The following SLAIN1 variants were observed in gnomAD, a reference collection of about 807,000 sequenced individuals.
SLAIN1 encodes the protein SLAIN motif-containing protein 1.
SLAIN1 carries 17 observed loss-of-function variants against 55.4 expected under a neutral mutation model. The observed-to-expected ratio is 0.31, with a 90% CI of 0.21 to 0.46. The LOEUF is 0.46. Ranked by LOEUF, SLAIN1 falls within the 20% of genes least tolerant of loss-of-function variation. The probability of loss-of-function intolerance (pLI) is 1.00; values close to 1 mark genes in which losing one functional copy is unlikely to be tolerated. For missense variants in SLAIN1, 682 were observed against 785.1 expected (o/e 0.87, Z 1.57); for synonymous variants, 348 against 337.4 (o/e 1.03, Z -0.35).
rs185636426 is a variant in SLAIN1 at position 77,762,991 on chromosome 13, C to T, written c.1698-154C>T. Among the ~76,000 whole-genome samples the T allele has an allele frequency of 2.5e-4, 38 of 152,268 alleles. No individual in the cohort carries two copies. The East Asian group carries it at 6.4e-3, about 26-fold the overall frequency. ...GGGAGATAAGCATGCAGTGAAGACC[C>T]GTAAGTGTGAACCACAAGGTACACT... On this transcript the variant is annotated intron_variant, in intron 6 of 6. Transcript: ENST00000418532.
At chr13:77,742,809 A>G (rs1040470334) in intron 2 of SLAIN1, 1 of 162,738 alleles carries the variant, frequency 6.1e-6, no homozygotes, top group African/African-American at 2.4e-5. Context: ...TTACTTTTTA[A>G]AAATGGATGT....
At chr13:77,743,345 T>C in intron 2 of SLAIN1, 1 of 291,956 alleles carries the variant, frequency 3.4e-6, no homozygotes, top group Non-Finnish European at 6.3e-6. Context: ...ACCATTGATC[T>C]ACTGCTCTCA....
intron 2 of SLAIN1, among the ~76,000 whole-genome samples, chr13:77,723,589 C>G (rs938490507): frequency 1.3e-5 from 2 of 152,104 alleles, no homozygotes; most frequent in African/African-American, 2.4e-5. Flanking sequence ...AGGCATTATT[C>G]CATTATATTT....
At chr13:77,708,750 A>G (rs1457060281) in intron 1 of SLAIN1, among the ~76,000 whole-genome samples, 1 of 152,162 alleles carries the variant, frequency 6.6e-6, no homozygotes, top group Non-Finnish European at 1.5e-5. Flanking sequence ...CAGAAACCCC[A>G]TCCAAAGGTC....
In SLAIN1 at chr13:77,760,866, G is replaced by T; in HGVS notation, c.1453G>T (p.Val485Leu). The change falls in exon 6 of 7, where the codon GTG becomes TTG. Residue 485 changes from valine to leucine, a missense_variant. Physicochemically the swap from Val to Leu is conservative, Grantham distance 32 (BLOSUM62 1). Around this residue, in one of 3 missense-constraint regions of SLAIN1, gnomAD observed 244 missense variants for 295.2 expected, o/e 0.83. Transcript: ENST00000418532. ...PGQLQHRVHS[V>L]GHFPVSIRQP... Reference sequence around the variant, plus strand: ...ACAGCTTCAACACAGGGTCCACAGCGTGGGGCATTTCCCAGTGTCTATCCG... The same window carrying T: ...ACAGCTTCAACACAGGGTCCACAGCTTGGGGCATTTCCCAGTGTCTATCCG... The T allele has an allele frequency of 6.2e-7, 1 of 1,614,024 alleles. No individual in the cohort carries two copies. The highest frequency in any genetic ancestry group is 8.5e-7 in the Non-Finnish European group (1 of 1,179,996).
chr13:77,746,572 G>A lies in SLAIN1; in HGVS notation c.975G>A (p.Val325=), dbSNP rs1239267620. The change falls in exon 4 of 7, where the codon GTG becomes GTA. Residue 325 remains valine (V), a synonymous_variant. Transcript: ENST00000418532. ...SASVSRHSSS[V]SLSSGKKGTC... Reference sequence around the variant, plus strand: ...CTGTATCAAGACATAGTTCCAGTGTGTCATTGAGTTCAGGAAAAAAAGGGA... The same window carrying A: ...CTGTATCAAGACATAGTTCCAGTGTATCATTGAGTTCAGGAAAAAAAGGGA... 1 of 1,613,372 alleles carries A rather than the reference G, an allele frequency of 6.2e-7. No individual in the cohort carries two copies. The highest frequency in any genetic ancestry group is 1.3e-5 in the African/African-American group (1 of 74,856).
chr13:77,723,841 A>G (rs772681461), intron 2 of SLAIN1, among the ~76,000 whole-genome samples: 10 of 152,020 alleles, frequency 6.6e-5, no homozygotes, highest in Non-Finnish European at 8.8e-5. Context: ...TCTGTGGGTC[A>G]GAATCGCCTA....
intron 3 of SLAIN1, 56 bp downstream of exon 3, chr13:77,744,488 G>C: frequency 1.2e-6 from 2 of 1,601,040 alleles, no homozygotes; most frequent in Non-Finnish European, 1.7e-6. Context: ...TATACAGGCA[G>C]AGGGGGAGGT....
At chr13:77,717,906 A>AC (rs1280837236) in intron 1 of SLAIN1, among the ~76,000 whole-genome samples, 2 of 152,126 alleles carry the variant, frequency 1.3e-5, no homozygotes, top group Admixed American at 1.3e-4. Flanking sequence ...GCCTGGACTA[A>AC]CCTATACTTG....
Position 77,698,477 on chromosome 13 carries a change from C to A in SLAIN1, c.564C>A (p.Asp188Glu). ...APPSPPPTLL[D>E]EVELLDLESV... ...CCTCGCCGCCCCCCACGCTGCTGGACGAGGTGGAATTGCTGGATCTGGAGA... is the reference window on the plus strand; with the variant it reads ...CCTCGCCGCCCCCCACGCTGCTGGAAGAGGTGGAATTGCTGGATCTGGAGA... Residue 188 changes from aspartate to glutamate, a missense_variant, in exon 1 of 7, where the codon GAC (aspartate) becomes GAA (glutamate). Physicochemically the swap from Asp to Glu is conservative, Grantham distance 45 (BLOSUM62 2). Coordinates refer to ENST00000418532, the MANE Select transcript of SLAIN1 (RefSeq NM_001242868.2). This position sits in a 1 kb window ranked among gnomAD's most constrained non-coding sequence, Gnocchi z 4.1. The A allele has an allele frequency of 1.4e-6, 2 of 1,456,266 alleles. No individual in the cohort carries two copies. The highest frequency in any genetic ancestry group is 2.7e-5 in the South Asian group (2 of 74,778). 90.2% of individuals were successfully genotyped at this position (1,456,266 alleles called of 1,614,324 possible).
chr13:77,759,511 T>G (rs929081137), intron 5 of SLAIN1, among the ~76,000 whole-genome samples: 2 of 151,978 alleles, frequency 1.3e-5, no homozygotes, highest in Admixed American at 1.3e-4. Context: ...TGAAGGACGT[T>G]TTGTTCCATT....
intron 1 of SLAIN1, among the ~76,000 whole-genome samples, chr13:77,701,857 G>A (rs987248390): frequency 2.0e-5 from 3 of 148,908 alleles, no homozygotes; most frequent in Admixed American, 6.7e-5. Context: ...ATGCTGGTGC[G>A]CTGCACCCAC....
chr13:77,720,690 G>A (rs756037324), intron 2 of SLAIN1, among the ~76,000 whole-genome samples: 1 of 152,084 alleles, frequency 6.6e-6, no homozygotes, highest in Non-Finnish European at 1.5e-5. Flanking sequence ...AGTTCCCAGG[G>A]TTACAAGGCA....
intron 4 of SLAIN1, among the ~76,000 whole-genome samples, chr13:77,750,818 T>C (rs1015912017): frequency 2.0e-5 from 3 of 152,160 alleles, no homozygotes; most frequent in African/African-American, 4.8e-5. Context: ...GTGGGGATAA[T>C]TGTGCCAATT....
chr13:77,739,561 T>G (rs1271985576), intron 2 of SLAIN1, among the ~76,000 whole-genome samples: 1 of 152,096 alleles, frequency 6.6e-6, no homozygotes, highest in African/African-American at 2.4e-5. Context: ...TTATGTGAAT[T>G]AAGTAATTGC....
intron 2 of SLAIN1, among the ~76,000 whole-genome samples, chr13:77,737,644 A>G: frequency 6.6e-6 from 1 of 152,080 alleles, no homozygotes; most frequent in East Asian, 1.9e-4. Context: ...TCTATTTAGA[A>G]TGGTATCATA....
chr13:77,739,586 T>C (rs1242476183), intron 2 of SLAIN1, among the ~76,000 whole-genome samples: 1 of 152,114 alleles, frequency 6.6e-6, no homozygotes, highest in Non-Finnish European at 1.5e-5. Context: ...TTAAATTTGA[T>C]TTTGATTATG....
rs560535834 is a variant in SLAIN1, at chr13:77,763,251, A to C, written c.*31A>C. The C allele has an allele frequency of 6.4e-7, 1 of 1,571,718 alleles. No homozygotes were observed. Among genetic ancestry groups the C allele is most frequent in the South Asian group, 1.1e-5 (1 of 89,874 alleles). On this transcript the variant is annotated 3_prime_UTR_variant, in exon 7 of 7. Coordinates refer to ENST00000418532, the MANE Select transcript of SLAIN1 (RefSeq NM_001242868.2). The stretch of plus-strand genomic sequence containing the variant: ...TTTTATGTACCCTTGAAAAATGGGA[A>C]AGAAGTAAAAATGAGGGTTGTGTTA...
intron 1 of SLAIN1, among the ~76,000 whole-genome samples, chr13:77,707,449 C>T (rs2091101876): frequency 6.6e-6 from 1 of 152,022 alleles, no homozygotes; most frequent in South Asian, 2.1e-4. Context: ...CATTGTTTTT[C>T]TCTTTGGTTC....
Sources: gnomAD v4.1 joint callset for allele counts (sites outside exome capture counted in the v4.1 genomes callset) on GRCh38, gnomAD v4.1.1 for gene constraint, gnomAD v4.1.1 regional missense constraint, Gnocchi (gnomAD v3.1) non-coding constraint, MANE v1.5 for transcripts, NCBI Gene and HGNC (gene_info 2026-07-23, HGNC 2026-07-21) for gene names.